CPEB4: variants seen among roughly 807,000 people sequenced by gnomAD.
CPEB4 encodes cytoplasmic polyadenylation element binding protein 4.
In CPEB4, 12 loss-of-function variants were observed where a neutral mutation model predicts 72.5. The ratio of observed to expected loss-of-function variants is 0.17; its 90% CI spans 0.11 to 0.27. CPEB4 has a LOEUF of 0.27. Among genes scored for constraint, CPEB4 ranks in the 10% least tolerant of loss-of-function variants. The pLI is 1.00. For synonymous variants in CPEB4, 302 were observed against 326.3 expected, an observed-to-expected ratio of 0.93 and a Z score of 0.80; for missense variants, 614 against 908.5, an observed-to-expected ratio of 0.68 and a Z score of 4.17.
intron 2 of CPEB4, among the ~76,000 whole-genome samples, chr5:173,919,503 GGTTT>G (rs1470621818): frequency 6.6e-6 from 1 of 152,140 alleles, no homozygotes; most frequent in Non-Finnish European, 1.5e-5. Flanking sequence ...AGTGTCACTT[GGTTT>G]TTCTGTTTTC....
chr5:173,907,137 C>A (rs1041831398), intron 1 of CPEB4, among the ~76,000 whole-genome samples: 2 of 152,224 alleles, frequency 1.3e-5, no homozygotes, highest in South Asian at 4.1e-4. Context: ...CGTGATGGCA[C>A]GCACCTTTAG....
chr5:173,916,290 GGCT>G (rs1254485859), intron 2 of CPEB4, among the ~76,000 whole-genome samples: 1 of 152,138 alleles, frequency 6.6e-6, no homozygotes, highest in East Asian at 1.9e-4. Flanking sequence ...TTGAAAGAAA[GGCT>G]CAACATATCC....
intron 1 of CPEB4, among the ~76,000 whole-genome samples, chr5:173,895,529 T>C (rs1308316585): frequency 6.6e-6 from 1 of 152,230 alleles, no homozygotes; most frequent in Non-Finnish European, 1.5e-5. Flanking sequence ...AGAACACTGC[T>C]GGAGTGCTTC....
rs1274074886 is a variant in CPEB4, at chr5:173,957,598, T to C, written c.*1461T>C. The C allele has an allele frequency of 6.5e-6, 1 of 152,800 alleles. No individual in the cohort carries two copies. The highest frequency in any genetic ancestry group is 1.5e-5 in the Non-Finnish European group (1 of 68,034). The allele number at this position is 152,800 out of a possible 1,614,324, so 9.5% of individuals were successfully genotyped here. The stretch of plus-strand genomic sequence containing the variant: ...AAATAGTCTCTTGAAGCCCTAGTCA[T>C]GGAAGTAACTTTTATTTTAATTGAC... On this transcript the variant is annotated 3_prime_UTR_variant, in exon 10 of 10. Coordinates refer to ENST00000265085, the MANE Select transcript of CPEB4 (RefSeq NM_030627.4).
At chr5:173,952,327 C>A (rs1000787014) in intron 8 of CPEB4, among the ~76,000 whole-genome samples, 1 of 152,204 alleles carries the variant, frequency 6.6e-6, no homozygotes, top group Non-Finnish European at 1.5e-5. Context: ...AGAATAGATT[C>A]TGTATTGAGA....
At chr5:173,925,047 CA>C (rs1050656381) in intron 2 of CPEB4, among the ~76,000 whole-genome samples, 3 of 151,932 alleles carry the variant, frequency 2.0e-5, no homozygotes, top group African/African-American at 7.3e-5. Flanking sequence ...ACTGCTGGGA[CA>C]AAAGTGTGGA....
At position 173,888,423 on chromosome 5, in the gene CPEB4, GGCGGCGGCAGCA is replaced by G; in HGVS notation, c.-1304_-1293del. ...GGCACCGGGAGGCGGTGGCGGCGGC[GGCGGCGGCAGCA>G]GCGGCGACAGCAGAGGAGGAAGAGG... is the stretch of plus-strand genomic sequence containing the variant. On this transcript the variant is annotated 5_prime_UTR_variant, in exon 1 of 10. Transcript: ENST00000265085. The surrounding 1 kb of genome is among the most constrained non-coding windows in gnomAD (Gnocchi z 4.3). 1 of 461,050 alleles carries G rather than the reference GGCGGCGGCAGCA, an allele frequency of 2.2e-6. No homozygotes were observed. Among genetic ancestry groups the G allele is most frequent in the Non-Finnish European group, 3.7e-6 (1 of 266,824 alleles). The allele number at this position is 461,050 out of a possible 1,614,324, so 28.6% of individuals were successfully genotyped here.
chr5:173,927,954 C>G (rs1047747279), intron 2 of CPEB4, among the ~76,000 whole-genome samples: 2 of 152,130 alleles, frequency 1.3e-5, no homozygotes, highest in Non-Finnish European at 1.5e-5. Flanking sequence ...AAACAATGGA[C>G]TATTATTAAG....
Position 173,905,012 on chromosome 5 carries a change from AT to A in CPEB4, c.1126-5510del, listed in dbSNP as rs1561608901. Among the ~76,000 whole-genome samples the A allele has an allele frequency of 2.8e-3, 256 of 91,226 alleles. 2 individuals carry two copies. The highest frequency in any genetic ancestry group is 3.9e-3 in the Non-Finnish European group (151 of 38,390). 59.8% of individuals were successfully genotyped at this position (91,226 alleles called of 152,430 possible). ...AATAATAATAATAATAATAATAATA[AT>A]AATAAAAAAATGTAACTTAGAAGAT... On this transcript the variant is annotated intron_variant, in intron 1 of 9. Transcript: ENST00000265085.
At chr5:173,943,684 A>C (rs1168988829) in intron 4 of CPEB4, among the ~76,000 whole-genome samples, 1 of 152,208 alleles carries the variant, frequency 6.6e-6, no homozygotes, top group Non-Finnish European at 1.5e-5. Context: ...TTTAAAGGAT[A>C]AGTGATTTTT....
At chr5:173,937,805 T>A (rs530018739) in intron 3 of CPEB4, among the ~76,000 whole-genome samples, 5 of 152,350 alleles carry the variant, frequency 3.3e-5, no homozygotes, top group Admixed American at 3.3e-4. Flanking sequence ...TTGCATTCTC[T>A]GCTCTTTTCT....
Position 173,929,285 on chromosome 5 carries a change from A to G in CPEB4, c.1208-3165A>G, listed in dbSNP as rs116712047. 6.5e-3 allele frequency among the ~76,000 whole-genome samples: 985 copies of G among 152,294 alleles called. 8 individuals are homozygous for G. Among genetic ancestry groups the G allele is most frequent in the African/African-American group, 0.023 (953 of 41,548 alleles). The stretch of plus-strand genomic sequence containing the variant: ...GACCGTTTTGTTACTGTCAAGTTGA[A>G]ATTTTCTCTTTAAAAGATACCCAAA... On this transcript the variant is annotated intron_variant, in intron 2 of 9. Transcript: ENST00000265085.
At chr5:173,936,505 TG>T (rs925131576) in intron 3 of CPEB4, among the ~76,000 whole-genome samples, 30 of 152,056 alleles carry the variant, frequency 2.0e-4, no homozygotes, top group African/African-American at 7.2e-4. Context: ...GGCAGGAGGG[TG>T]GGGGTAGGGG....
chr5:173,890,906 T>A (rs765877497), intron 1 of CPEB4, 48 bp downstream of exon 1: 1 of 1,531,394 alleles, frequency 6.5e-7, no homozygotes, highest in Non-Finnish European at 8.8e-7. Context: ...GGAAATAGCA[T>A]GGTGTAATAT....
chr5:173,940,807 A>G (rs991569045), intron 3 of CPEB4, among the ~76,000 whole-genome samples: 2 of 152,178 alleles, frequency 1.3e-5, no homozygotes, highest in Non-Finnish European at 2.9e-5. Context: ...CAACTTTTAT[A>G]GTTGTAAACA....
In CPEB4 at chr5:173,926,681, T is replaced by C. The variant is rs552824191; in HGVS notation, c.1208-5769T>C. 4.2e-4 allele frequency among the ~76,000 whole-genome samples: 64 copies of C among 152,322 alleles called. No individual in the cohort carries two copies. The South Asian group carries it at 7.7e-3, about 18-fold the overall frequency. The stretch of plus-strand genomic sequence containing the variant: ...TTCCTGTCATAATGTTCCTTAAGAT[T>C]AGGGCTGCTGACCAGGCAGTATTTT... On this transcript the variant is annotated intron_variant, in intron 2 of 9. Coordinates refer to ENST00000265085, the MANE Select transcript of CPEB4 (RefSeq NM_030627.4).
At chr5:173,892,272 C>G (rs190685394) in intron 1 of CPEB4, among the ~76,000 whole-genome samples, 4 of 53,524 alleles carry the variant, frequency 7.5e-5, no homozygotes, top group Admixed American at 2.9e-4. Flanking sequence ...CTTCTAAAAA[C>G]GATTTTTTTT....
At chr5:173,923,521 G>A (rs1757141302) in intron 2 of CPEB4, among the ~76,000 whole-genome samples, 1 of 152,114 alleles carries the variant, frequency 6.6e-6, no homozygotes. Flanking sequence ...CTTGGGGCCA[G>A]TTCTTTATTC....
At chr5:173,929,522 G>T (rs1757365415) in intron 2 of CPEB4, among the ~76,000 whole-genome samples, 1 of 151,992 alleles carries the variant, frequency 6.6e-6, no homozygotes, top group Non-Finnish European at 1.5e-5. Context: ...AACATAGGGA[G>T]ACCCCCATCT....
Sources: allele counts gnomAD v4.1 joint callset (sites outside exome capture counted in the v4.1 genomes callset), GRCh38; gene constraint gnomAD v4.1.1; non-coding constraint Gnocchi (gnomAD v3.1); transcripts MANE v1.5; gene names NCBI Gene and HGNC (gene_info 2026-07-23, HGNC 2026-07-21).